The following UGP2 variants were observed in gnomAD, a reference collection of about 807,000 sequenced individuals.
UGP2 encodes UDP-glucose pyrophosphorylase 2, also known as UTP--glucose-1-phosphate uridylyltransferase.
In UGP2, 40 loss-of-function variants were observed where a neutral mutation model predicts 49.0. That is an observed-to-expected ratio of 0.82 (90% confidence interval 0.63 to 1.06). The LOEUF (loss-of-function observed/expected upper bound fraction) is 1.06. UGP2 is among the 50% of genes least tolerant of loss of function. The pLI is 0.00. For synonymous variants in UGP2, 225 were observed against 213.0 expected (o/e 1.06, Z -0.49); for missense variants, 460 against 603.5 (o/e 0.76, Z 2.49).
At chr2:63,862,734 T>C (rs1475906674) in intron 3 of UGP2, 1 of 446,636 alleles carries the variant, frequency 2.2e-6, no homozygotes, top group Non-Finnish European at 4.5e-6. Context: ...GTGGTAATAC[T>C]ACTATTTGAA....
In UGP2 at chr2:63,856,393, T is replaced by C; in HGVS notation, c.107T>C (p.Leu36Pro). 6.2e-7 allele frequency: 1 copy of C among 1,613,394 alleles called. No homozygotes were observed. The highest frequency in any genetic ancestry group is 1.3e-5 in the African/African-American group (1 of 74,996). Reference sequence around the variant, plus strand: ...CTAGAATTATCTGTGAAGAAGGAACTAGAAAAAATACTCACCACAGCATCA... The same window carrying C: ...CTAGAATTATCTGTGAAGAAGGAACCAGAAAAAATACTCACCACAGCATCA... The part of the protein sequence containing the change: ...QELELSVKKE[L>P]EKILTTASSH... The change falls in exon 2 of 10, where the codon CTA becomes CCA. Residue 36 changes from leucine (L) to proline (P), a missense_variant. Coordinates refer to ENST00000337130, the MANE Select transcript of UGP2 (RefSeq NM_006759.4).
At position 63,885,668 on chromosome 2, in the gene UGP2, T is replaced by C; in HGVS notation, c.655T>C (p.Tyr219His). 1 of 1,613,752 alleles carries C rather than the reference T, an allele frequency of 6.2e-7. No individual in the cohort carries two copies. The highest frequency in any genetic ancestry group is 8.5e-7 in the Non-Finnish European group (1 of 1,179,838). Residue 219 changes from tyrosine (Y) to histidine (H), a missense_variant, in exon 6 of 10, where the codon TAC becomes CAC. This residue lies in a region of UGP2 where 317 missense variants were observed against 473.0 expected (regional missense o/e 0.67). Transcript: ENST00000337130. ...SYSGENTEAW[Y>H]PPGHGDIYAS... ...CTCAGGGGAAAATACAGAAGCTTGGTACCCTCCAGGTCATGGTGATATTTA... is the reference window on the plus strand; with the variant it reads ...CTCAGGGGAAAATACAGAAGCTTGGCACCCTCCAGGTCATGGTGATATTTA...
In UGP2 at chr2:63,877,297, A is replaced by G. The variant is rs982936902; in HGVS notation, c.256-5169A>G. 9.3e-4 allele frequency among the ~76,000 whole-genome samples: 142 copies of G among 152,240 alleles called. 2 individuals are homozygous for G. The highest frequency in any genetic ancestry group is 4.0e-4 in the Non-Finnish European group (27 of 68,036). On this transcript the variant is annotated intron_variant, in intron 3 of 9. Transcript: ENST00000337130. The stretch of plus-strand genomic sequence containing the variant: ...ATGTGCTGATTATGATGTAGCTGCC[A>G]TGATGTCAAGTTTTCCTTCCTCTCT...
intron 9 of UGP2, 75 bp from the exon 10 acceptor site, chr2:63,891,045 T>C: frequency 8.1e-7 from 1 of 1,235,140 alleles, no homozygotes; most frequent in Non-Finnish European, 1.1e-6. Context: ...AAGTTGTACA[T>C]AAACTTGATC....
chr2:63,888,150 G>A (rs1671816145), intron 8 of UGP2: 1 of 155,004 alleles, frequency 6.5e-6, no homozygotes, highest in Non-Finnish European at 1.4e-5. Flanking sequence ...AATGCCTGGG[G>A]AGGTGGCGGG....
intron 3 of UGP2, among the ~76,000 whole-genome samples, chr2:63,865,814 T>G (rs1225779650): frequency 1.3e-5 from 2 of 152,138 alleles, no homozygotes; most frequent in African/African-American, 2.4e-5. Context: ...GGATTGTAGG[T>G]GTGAGTGACC....
chr2:63,853,645 A>C (rs746865036), intron 1 of UGP2, among the ~76,000 whole-genome samples: 5 of 151,944 alleles, frequency 3.3e-5, no homozygotes, highest in Admixed American at 6.6e-5. Context: ...TTGTGTACTT[A>C]TTTTGTTTGC....
upstream of UGP2, chr2:63,841,308 C>G (rs926068383): frequency 5.9e-5 from 9 of 152,102 alleles, no homozygotes; most frequent in African/African-American, 2.2e-4. Flanking sequence ...GTTTCCCGCT[C>G]TCGCTGGCCC....
chr2:63,861,000 C>T (rs1229097118), intron 3 of UGP2, among the ~76,000 whole-genome samples: 1 of 151,886 alleles, frequency 6.6e-6, no homozygotes, highest in African/African-American at 2.4e-5. Flanking sequence ...TCAGTGAGTA[C>T]ATAGATGTTT....
At chr2:63,869,770 C>G (rs1455935099) in intron 3 of UGP2, among the ~76,000 whole-genome samples, 2 of 152,162 alleles carry the variant, frequency 1.3e-5, no homozygotes, top group African/African-American at 4.8e-5. Context: ...AGATTTCTAA[C>G]TAGCTCTTTG....
chr2:63,889,300 GTTTT>G (rs537842839), intron 8 of UGP2: 1 of 149,868 alleles, frequency 6.7e-6, no homozygotes, highest in East Asian at 1.9e-4. Flanking sequence ...TTGAGTTTTT[GTTTT>G]TTTTTAATGG....
At chr2:63,850,345 AAT>A (rs1353538999) in intron 1 of UGP2, among the ~76,000 whole-genome samples, 4 of 152,214 alleles carry the variant, frequency 2.6e-5, no homozygotes, top group Non-Finnish European at 1.5e-5. Context: ...CATTCATATG[AAT>A]GTAAAGCTGA....
chr2:63,878,681 C>T (rs774669652), intron 3 of UGP2, among the ~76,000 whole-genome samples: 2 of 152,126 alleles, frequency 1.3e-5, no homozygotes, highest in Non-Finnish European at 2.9e-5. Context: ...CCACTCCAGC[C>T]TCCCATTGAG....
Position 63,882,612 on chromosome 2 carries a change from T to C in UGP2, c.402T>C (p.Asn134=), listed in dbSNP as rs556791773. ...KGPKSLIGVR[N]ENTFLDLTVQ... ...CTAAAAGTCTGATTGGTGTGAGGAA[T>C]GAGAATACCTTTCTGGATCTGACTG... The change falls in exon 4 of 10, where the codon AAT becomes AAC. Residue 134 remains asparagine (N), a synonymous_variant. Transcript: ENST00000337130. 4.4e-6 allele frequency: 7 copies of C among 1,599,094 alleles called. No homozygotes were observed. The highest frequency in any genetic ancestry group is 2.2e-5 in the East Asian group (1 of 44,490).
At chr2:63,876,002 G>A (rs1670883325) in intron 3 of UGP2, among the ~76,000 whole-genome samples, 1 of 152,066 alleles carries the variant, frequency 6.6e-6, no homozygotes, top group Admixed American at 6.6e-5. Context: ...ATCTTTGCTT[G>A]AGTAAATGTC....
chr2:63,852,758 A>C (rs1030307561), intron 1 of UGP2, among the ~76,000 whole-genome samples: 2 of 152,220 alleles, frequency 1.3e-5, no homozygotes, highest in African/African-American at 4.8e-5. Context: ...TACAGCAATC[A>C]TTTAAGAAGT....
intron 2 of UGP2, 84 bp downstream of exon 2, chr2:63,856,517 A>G (rs1294985641): frequency 2.8e-6 from 4 of 1,438,036 alleles, no homozygotes; most frequent in East Asian, 4.6e-5. Context: ...GATGATGATA[A>G]TCATCACCTC....
intron 3 of UGP2, among the ~76,000 whole-genome samples, chr2:63,858,286 C>G (rs775141859): frequency 1.3e-5 from 2 of 152,246 alleles, no homozygotes; most frequent in East Asian, 3.9e-4. Context: ...TCTCATTGCC[C>G]GTAGGGTCAT....
Position 63,857,565 on chromosome 2 carries a change from A to G in UGP2, c.148-264A>G, listed in dbSNP as rs923130056. On this transcript the variant is annotated intron_variant, in intron 2 of 9. Transcript: ENST00000337130. ...TTTTTTGTAGACACCGGGTTTTGCC[A>G]TATTGCCGAGGCTGGTCTCAAACTC... 3 of 500,438 alleles carry G rather than the reference A, an allele frequency of 6.0e-6. 1 individual carries two copies. The highest frequency in any genetic ancestry group is 1.2e-5 in the Non-Finnish European group (3 of 256,800). 31.0% of individuals were successfully genotyped at this position (500,438 alleles called of 1,614,324 possible).
Sources: gnomAD v4.1 joint callset for allele counts (sites outside exome capture counted in the v4.1 genomes callset) on GRCh38, gnomAD v4.1.1 for gene constraint, gnomAD v4.1.1 regional missense constraint, MANE v1.5 for transcripts, NCBI Gene and HGNC (gene_info 2026-07-23, HGNC 2026-07-21) for gene names.